TG: variants seen among roughly 807,000 people sequenced by gnomAD.
The protein encoded by TG is thyroid hormones.
Under a neutral mutation model 324.7 loss-of-function variants are expected in TG, and 270 were observed. That is an observed-to-expected ratio of 0.83 (90% CI 0.75 to 0.92). The LOEUF is 0.92. Ranked by LOEUF, TG falls within the 40% of genes least tolerant of loss-of-function variation. TG has a pLI of 0.00. For synonymous variants in TG, 1,401 were observed against 1,327.0 expected (o/e 1.06, Z -1.21); for missense variants, 3,591 against 3,456.4 (o/e 1.04, Z -0.98).
chr8:132,904,023 A>G lies in TG; in HGVS notation c.3634+2470A>G, dbSNP rs141189433. Among the ~76,000 whole-genome samples, 134 of 152,262 alleles carry G rather than the reference A, an allele frequency of 8.8e-4. 3 individuals carry two copies. Among genetic ancestry groups the G allele is most frequent in the Non-Finnish European group, 7.4e-5 (5 of 68,016 alleles). ...ACCAAGTTGCCTCTCTCTGCATCCA[A>G]TGTCATGTTCATGCAAAATCCTGCC... On this transcript the variant is annotated intron_variant, in intron 16 of 47. Transcript: ENST00000220616.
intron 41 of TG, among the ~76,000 whole-genome samples, chr8:133,079,524 A>G (rs1308934390): frequency 6.6e-6 from 1 of 152,028 alleles, no homozygotes; most frequent in East Asian, 1.9e-4. Flanking sequence ...CCACTTCTCC[A>G]GCTTCAGGTC....
At chr8:132,954,937 C>A (rs1826628057) in intron 27 of TG, among the ~76,000 whole-genome samples, 1 of 152,166 alleles carries the variant, frequency 6.6e-6, no homozygotes, top group Non-Finnish European at 1.5e-5. Flanking sequence ...GTTAAGGAAG[C>A]TCACTGTCTA....
At chr8:133,059,200 G>A (rs1267198974) in intron 41 of TG, 1 of 451,020 alleles carries the variant, frequency 2.2e-6, no homozygotes, top group Admixed American at 2.4e-5. Flanking sequence ...CCCCTGCGAG[G>A]AAATGGGACA....
chr8:132,927,026 T>G (rs1279438970), intron 22 of TG, among the ~76,000 whole-genome samples: 1 of 152,238 alleles, frequency 6.6e-6, no homozygotes, highest in Non-Finnish European at 1.5e-5. Context: ...CATCTTCCCT[T>G]TAACTTTAGG....
chr8:132,873,710 T>G (rs1340207782), intron 5 of TG, among the ~76,000 whole-genome samples: 1 of 152,154 alleles, frequency 6.6e-6, no homozygotes, highest in Non-Finnish European at 1.5e-5. Flanking sequence ...ATGCTTAAAT[T>G]TTTAAAGAAC....
Position 133,134,714 on chromosome 8 carries a change from G to A in TG, c.8227G>A (p.Glu2743Lys). The change falls in exon 48 of 48, where the codon GAG becomes AAG. Residue 2743 changes from glutamate to lysine, a missense_variant. Physicochemically the swap from Glu to Lys is moderately conservative, Grantham distance 56. Transcript: ENST00000220616. The part of the protein sequence containing the change: ...KGGQSAESEE[E>K]ELTAGSGLRE... ...CGGGCAGTCAGCAGAGAGTGAAGAGGAGGAGTTGACGGCTGGATCTGGGCT... is the reference window on the plus strand; with the variant it reads ...CGGGCAGTCAGCAGAGAGTGAAGAGAAGGAGTTGACGGCTGGATCTGGGCT... 1.2e-6 allele frequency: 2 copies of A among 1,614,134 alleles called. No homozygotes were observed. The highest frequency in any genetic ancestry group is 3.3e-5 in the Admixed American group (2 of 60,026).
At chr8:132,995,518 T>A (rs1832787498) in intron 35 of TG, 1 of 985,248 alleles carries the variant, frequency 1.0e-6, no homozygotes, top group South Asian at 4.7e-5. Flanking sequence ...TTTGCTTAGA[T>A]CAGATTGGTT....
chr8:133,131,574 C>T (rs1163093094), intron 45 of TG, among the ~76,000 whole-genome samples: 5 of 152,208 alleles, frequency 3.3e-5, no homozygotes, highest in Non-Finnish European at 7.3e-5. Flanking sequence ...CTTCAGTGTT[C>T]CGTGTTGGTC....
At chr8:133,026,941 A>G (rs1836143791) in intron 40 of TG, among the ~76,000 whole-genome samples, 1 of 152,232 alleles carries the variant, frequency 6.6e-6, no homozygotes, top group Non-Finnish European at 1.5e-5. Context: ...CCTTACAAGT[A>G]TTAACTAATT....
chr8:133,112,732 G>T (rs7000137), intron 43 of TG, among the ~76,000 whole-genome samples: 30,674 of 152,018 alleles, frequency 0.2, 3,565 homozygotes, highest in Middle Eastern at 0.28. Flanking sequence ...ATATAAAATA[G>T]CCCCAGCCCC....
chr8:133,091,771 T>C (rs116728896), intron 41 of TG, among the ~76,000 whole-genome samples: 1,648 of 152,238 alleles, frequency 0.011, 22 homozygotes, highest in African/African-American at 0.037. Flanking sequence ...TGGATGTTTC[T>C]GTGACTGTGT....
intron 41 of TG, among the ~76,000 whole-genome samples, chr8:133,054,556 G>T (rs926207320): frequency 1.3e-5 from 2 of 152,196 alleles, no homozygotes; most frequent in Non-Finnish European, 2.9e-5. Flanking sequence ...CTTAGTAAGT[G>T]GAAGCTAATA....
chr8:132,867,158 A>C, intron 1 of TG, 91 bp downstream of exon 1: 2 of 1,152,448 alleles, frequency 1.7e-6, no homozygotes, highest in Non-Finnish European at 2.5e-6. Context: ...GTGCGATCTA[A>C]TTTAATCTTC....
intron 34 of TG, among the ~76,000 whole-genome samples, chr8:132,976,346 C>T (rs1830171731): frequency 6.6e-6 from 1 of 152,188 alleles, no homozygotes; most frequent in Non-Finnish European, 1.5e-5. Context: ...AGAAAGGGGA[C>T]CAAACTTGCC....
At chr8:133,072,538 T>C (rs1844225635) in intron 41 of TG, among the ~76,000 whole-genome samples, 1 of 152,190 alleles carries the variant, frequency 6.6e-6, no homozygotes, top group Non-Finnish European at 1.5e-5. Flanking sequence ...AATGGTTTGG[T>C]CTGAAATATG....
chr8:133,021,739 G>A (rs145524542), intron 39 of TG, among the ~76,000 whole-genome samples: 3 of 152,162 alleles, frequency 2.0e-5, no homozygotes, highest in East Asian at 3.9e-4. Context: ...TAAGGACACC[G>A]GTCCTATTGG....
intron 5 of TG, 82 bp downstream of exon 5, chr8:132,873,303 G>A (rs1274490060): frequency 1.3e-6 from 2 of 1,547,494 alleles, no homozygotes; most frequent in Non-Finnish European, 8.8e-7. Flanking sequence ...GCCTCCATGT[G>A]TCATATGTGC....
intron 23 of TG, among the ~76,000 whole-genome samples, chr8:132,930,566 C>T (rs192955786): frequency 6.6e-6 from 1 of 152,058 alleles, no homozygotes; most frequent in African/African-American, 2.4e-5. Context: ...CCTGTAATCC[C>T]AGCTACTCAG....
chr8:133,108,578 A>G (rs1850020919), intron 43 of TG, among the ~76,000 whole-genome samples: 1 of 152,204 alleles, frequency 6.6e-6, no homozygotes, highest in South Asian at 2.1e-4. Flanking sequence ...GAGCGATTAT[A>G]TAACTTTCCC....
Sources: gnomAD v4.1 joint callset for allele counts (sites outside exome capture counted in the v4.1 genomes callset) on GRCh38, gnomAD v4.1.1 for gene constraint, MANE v1.5 for transcripts, NCBI Gene and HGNC (gene_info 2026-07-23, HGNC 2026-07-21) for gene names.